The following CYP7B1 variants were observed in gnomAD, a reference collection of about 807,000 sequenced individuals.
CYP7B1 encodes the protein cytochrome P450 7B1.
CYP7B1 carries 29 observed loss-of-function variants against 42.7 expected under a neutral mutation model. The ratio of observed to expected loss-of-function variants is 0.68; its 90% CI spans 0.51 to 0.93. The LOEUF (loss-of-function observed/expected upper bound fraction) is 0.93. CYP7B1 is among the 40% of genes least tolerant of loss of function. The pLI is 0.00. For synonymous variants in CYP7B1, 235 were observed against 218.2 expected (o/e 1.08, Z -0.68); for missense variants, 655 against 600.5 (o/e 1.09, Z -0.95).
chr8:64,738,541 C>T (rs1459930165), intron 1 of CYP7B1, among the ~76,000 whole-genome samples: 1 of 151,968 alleles, frequency 6.6e-6, no homozygotes, highest in East Asian at 1.9e-4. Flanking sequence ...AGAAAACACA[C>T]ACACACGCAC....
intron 1 of CYP7B1, among the ~76,000 whole-genome samples, chr8:64,701,582 T>G (rs1411664410): frequency 1.3e-5 from 2 of 152,078 alleles, no homozygotes; most frequent in African/African-American, 4.8e-5. Flanking sequence ...TGAATGAATG[T>G]GATTCTGCTT....
intron 1 of CYP7B1, among the ~76,000 whole-genome samples, chr8:64,657,650 T>C (rs1381440070): frequency 1.3e-5 from 2 of 152,210 alleles, no homozygotes. Flanking sequence ...CACTATGTTT[T>C]AAAAATCCGT....
intron 1 of CYP7B1, among the ~76,000 whole-genome samples, chr8:64,780,993 A>T (rs567742238): frequency 6.6e-6 from 1 of 152,184 alleles, no homozygotes; most frequent in African/African-American, 2.4e-5. Flanking sequence ...TTTAAAATTC[A>T]TGGAGTTGCT....
chr8:64,755,608 G>T (rs1018079151), intron 1 of CYP7B1, among the ~76,000 whole-genome samples: 1 of 151,740 alleles, frequency 6.6e-6, no homozygotes, highest in Non-Finnish European at 1.5e-5. Flanking sequence ...TAGTAGAGAC[G>T]GGGTTTCACC....
At chr8:64,745,822 T>C (rs1807635946) in intron 1 of CYP7B1, among the ~76,000 whole-genome samples, 1 of 152,190 alleles carries the variant, frequency 6.6e-6, no homozygotes, top group South Asian at 2.1e-4. Context: ...TGCTCTATAG[T>C]ACGCTTGGGT....
chr8:64,730,751 GCACACACA>G (rs61050207), intron 1 of CYP7B1, among the ~76,000 whole-genome samples: 12 of 142,864 alleles, frequency 8.4e-5, no homozygotes, highest in Middle Eastern at 3.2e-3. Flanking sequence ...AGGACTGTCT[GCACACACA>G]CACACACACA....
Position 64,722,667 on chromosome 8 carries a change from A to T in CYP7B1, c.122+75799T>A, listed in dbSNP as rs189128570. On this transcript the variant is annotated intron_variant, in intron 1 of 5. Transcript: ENST00000310193. ...TTTCAACTCCTGATGCTTACCTAGG[A>T]AAACTGGGATCTCGTAGTATAAAAT... 8.4e-3 allele frequency among the ~76,000 whole-genome samples: 1,222 copies of T among 146,156 alleles called. 16 individuals are homozygous for T. Among genetic ancestry groups the T allele is most frequent in the Non-Finnish European group, 9.6e-3 (640 of 67,012 alleles).
intron 1 of CYP7B1, among the ~76,000 whole-genome samples, chr8:64,654,249 C>T (rs1224969344): frequency 6.6e-6 from 1 of 152,206 alleles, no homozygotes; most frequent in Non-Finnish European, 1.5e-5. Flanking sequence ...TTGCAGACAA[C>T]ATGATTCTAT....
chr8:64,674,432 T>C (rs1806413146), intron 1 of CYP7B1, among the ~76,000 whole-genome samples: 1 of 152,114 alleles, frequency 6.6e-6, no homozygotes, highest in African/African-American at 2.4e-5. Context: ...TTGGATGTGA[T>C]TTGCCTTATG....
intron 1 of CYP7B1, among the ~76,000 whole-genome samples, chr8:64,749,604 G>A (rs112832257): frequency 5.3e-5 from 8 of 152,278 alleles, no homozygotes; most frequent in East Asian, 3.9e-4. Flanking sequence ...TCTGGGAAAC[G>A]GGATAGGACA....
At chr8:64,729,356 A>C (rs1465037426) in intron 1 of CYP7B1, among the ~76,000 whole-genome samples, 3 of 152,184 alleles carry the variant, frequency 2.0e-5, no homozygotes, top group Non-Finnish European at 4.4e-5. Flanking sequence ...ATGCACACAC[A>C]ATCTTACAGA....
intron 1 of CYP7B1, among the ~76,000 whole-genome samples, chr8:64,759,903 A>G (rs1342425726): frequency 6.6e-6 from 1 of 152,210 alleles, no homozygotes; most frequent in African/African-American, 2.4e-5. Flanking sequence ...AAGTTAAAAC[A>G]GAAGTTCACC....
chr8:64,631,172 A>T (rs1805689669), intron 1 of CYP7B1, among the ~76,000 whole-genome samples: 7 of 152,206 alleles, frequency 4.6e-5, no homozygotes, highest in Admixed American at 3.9e-4. Flanking sequence ...TCTTATAAAC[A>T]TAGATGCACA....
intron 1 of CYP7B1, among the ~76,000 whole-genome samples, chr8:64,641,224 T>C (rs1805850960): frequency 6.6e-6 from 1 of 152,216 alleles, no homozygotes; most frequent in Non-Finnish European, 1.5e-5. Context: ...TAAAGGGTTT[T>C]CAAATCTTAC....
intron 1 of CYP7B1, among the ~76,000 whole-genome samples, chr8:64,721,456 C>T (rs946569648): frequency 6.6e-6 from 1 of 152,056 alleles, no homozygotes; most frequent in Admixed American, 6.6e-5. Flanking sequence ...ATATATCAAT[C>T]TGTAAAAAGC....
chr8:64,733,723 C>T (rs1333100122), intron 1 of CYP7B1, among the ~76,000 whole-genome samples: 1 of 152,190 alleles, frequency 6.6e-6, no homozygotes, highest in Non-Finnish European at 1.5e-5. Context: ...GCAATCCCAG[C>T]TGCCTGGGAG....
intron 1 of CYP7B1, among the ~76,000 whole-genome samples, chr8:64,784,562 T>C (rs576826873): frequency 6.6e-6 from 1 of 152,318 alleles, no homozygotes; most frequent in South Asian, 2.1e-4. Flanking sequence ...TATCTGGTAC[T>C]GGCACATACT....
chr8:64,691,760 C>T (rs1267500712), intron 1 of CYP7B1, among the ~76,000 whole-genome samples: 1 of 152,180 alleles, frequency 6.6e-6, no homozygotes, highest in African/African-American at 2.4e-5. Context: ...CTCATCCAGT[C>T]CAACCTCCCC....
intron 1 of CYP7B1, 39 bp from the exon 2 acceptor site, chr8:64,624,578 A>T (rs776366204): frequency 1.2e-6 from 2 of 1,609,178 alleles, no homozygotes; most frequent in Admixed American, 1.7e-5. Flanking sequence ...ACAAAAGAAA[A>T]ATCAAATCAT....
Sources: gnomAD v4.1 joint callset for allele counts (sites outside exome capture counted in the v4.1 genomes callset) on GRCh38, gnomAD v4.1.1 for gene constraint, MANE v1.5 for transcripts, NCBI Gene and HGNC (gene_info 2026-07-23, HGNC 2026-07-21) for gene names.